The following CCDC92 variants were observed in gnomAD, a reference collection of about 807,000 sequenced individuals.
CCDC92 encodes coiled-coil domain containing 92.
A neutral mutation model predicts 24.9 loss-of-function variants in CCDC92; 12 were observed. The observed-to-expected ratio is 0.48, with a 90% CI of 0.31 to 0.78. The LOEUF (loss-of-function observed/expected upper bound fraction) is 0.78, where lower values mean the gene tolerates loss of function less well. Among genes scored for constraint, CCDC92 ranks in the 30% least tolerant of loss-of-function variants. The pLI, the probability that CCDC92 is intolerant of heterozygous loss-of-function variation, is 0.05. For synonymous variants in CCDC92, 193 were observed against 196.3 expected, an observed-to-expected ratio of 0.98 and a Z score of 0.14; for missense variants, 399 against 439.4, an observed-to-expected ratio of 0.91 and a Z score of 0.82.
In CCDC92 at chr12:123,943,486, C is replaced by A; in HGVS notation, c.42G>T (p.Leu14=). The A allele has an allele frequency of 6.2e-7, 1 of 1,614,160 alleles. No homozygotes were observed. Among genetic ancestry groups the A allele is most frequent in the Non-Finnish European group, 8.5e-7 (1 of 1,180,042 alleles). ...GGTTTGTGGCTGCCATGCTGACATC[C>A]AGAGGACCTGTGGGTAACACAGACC... ...PHFSSYDEGP[L]DVSMAATNLE... is the part of the protein sequence containing the mutation. Residue 14 remains leucine (L), a synonymous_variant, in exon 3 of 5, where the codon CTG becomes CTT. Coordinates refer to ENST00000238156, the MANE Select transcript of CCDC92 (RefSeq NM_025140.3).
intron 1 of CCDC92, chr12:123,945,986 C>G: frequency 5.7e-6 from 1 of 175,842 alleles, no homozygotes; most frequent in African/African-American, 2.4e-5. Flanking sequence ...TGGCATCCCC[C>G]GCCATCCATT....
chr12:123,970,071 G>C (rs568780609), intron 1 of CCDC92: 22 of 152,078 alleles, frequency 1.4e-4, no homozygotes, highest in Non-Finnish European at 2.1e-4. Flanking sequence ...ATAGCAGGTG[G>C]GTCTTTAATC....
intron 2 of CCDC92, 64 bp downstream of exon 2, chr12:123,944,208 A>T (rs924509962): frequency 4.1e-5 from 43 of 1,049,822 alleles, no homozygotes; most frequent in Non-Finnish European, 6.3e-5. Context: ...TCTGTCCCCA[A>T]TGCTTGGCCC....
intron 1 of CCDC92, among the ~76,000 whole-genome samples, chr12:123,965,491 A>G: frequency 6.6e-6 from 1 of 152,028 alleles, no homozygotes; most frequent in East Asian, 2.0e-4. Flanking sequence ...TGAGGGCTGC[A>G]CGCTCTTGGA....
intron 1 of CCDC92, chr12:123,956,507 TCC>T (rs1956154118): frequency 6.6e-6 from 1 of 152,212 alleles, no homozygotes; most frequent in Non-Finnish European, 1.5e-5. Context: ...ATAAAGTTCT[TCC>T]CACTCACAAT....
chr12:123,937,253 G>A lies in CCDC92; in HGVS notation c.801C>T (p.Pro267=), dbSNP rs147939560. 169 of 1,609,942 alleles carry A rather than the reference G, an allele frequency of 1.0e-4. No individual in the cohort carries two copies. The highest frequency in any genetic ancestry group is 1.1e-4 in the Non-Finnish European group (130 of 1,179,422). The part of the protein sequence containing the change: ...LIKERPLVIP[P]IASDRSGEQH... ...GCTCGCCGCTTCGGTCGGAGGCGAT[G>A]GGGGGGATGACGAGGGGCCTCTCTT... is the stretch of plus-strand genomic sequence containing the variant. The change falls in exon 5 of 5, where the codon CCC becomes CCT. Residue 267 remains proline (P), a synonymous_variant. Coordinates refer to ENST00000238156, the MANE Select transcript of CCDC92 (RefSeq NM_025140.3). This position sits in a 1 kb window ranked among gnomAD's most constrained non-coding sequence, Gnocchi z 8.4.
intron 1 of CCDC92, among the ~76,000 whole-genome samples, chr12:123,968,923 CT>C (rs1170986392): frequency 6.6e-6 from 1 of 152,148 alleles, no homozygotes; most frequent in Non-Finnish European, 1.5e-5. Flanking sequence ...CCTCTTCTTC[CT>C]AAAATGGAGA....
intron 1 of CCDC92, among the ~76,000 whole-genome samples, chr12:123,965,408 C>T (rs750544886): frequency 6.6e-6 from 1 of 152,188 alleles, no homozygotes; most frequent in African/African-American, 2.4e-5. Flanking sequence ...GTTTATCGCT[C>T]TCACTGGAGT....
chr12:123,941,133 G>A (rs1455998889), intron 4 of CCDC92, among the ~76,000 whole-genome samples: 3 of 152,200 alleles, frequency 2.0e-5, no homozygotes, highest in African/African-American at 2.4e-5. Context: ...GACAGGGAGC[G>A]AGGACGCCCT....
intron 1 of CCDC92, chr12:123,971,352 A>C (rs1055313948): frequency 2.0e-5 from 3 of 152,178 alleles, no homozygotes; most frequent in African/African-American, 2.4e-5. Context: ...GGTAAAAGCC[A>C]CTTTAAACGT....
At chr12:123,942,569 T>G (rs561878811) in intron 4 of CCDC92, among the ~76,000 whole-genome samples, 175 bp downstream of exon 4, 2 of 152,290 alleles carry the variant, frequency 1.3e-5, no homozygotes, top group East Asian at 3.9e-4. Context: ...AATAACCACT[T>G]GCAACACGGA....
chr12:123,956,354 A>AG (rs1307604484), intron 1 of CCDC92: 1 of 152,136 alleles, frequency 6.6e-6, no homozygotes, highest in African/African-American at 2.4e-5. Context: ...CGTCCATGTA[A>AG]GGGTGTTTGA....
chr12:123,943,534 G>A (rs778278460), intron 2 of CCDC92, 41 bp from the exon 3 acceptor site: 1 of 1,610,648 alleles, frequency 6.2e-7, no homozygotes, highest in Non-Finnish European at 8.5e-7. Flanking sequence ...CCTGAAGAGG[G>A]TCCCAGGGCT....
At chr12:123,953,455 T>G (rs144817820) in intron 1 of CCDC92, among the ~76,000 whole-genome samples, 6 of 152,226 alleles carry the variant, frequency 3.9e-5, no homozygotes, top group Non-Finnish European at 1.5e-5. Context: ...ATTTTTGATA[T>G]GTGTAGAAGG....
intron 3 of CCDC92, 36 bp downstream of exon 3, chr12:123,943,308 AGCC>A: frequency 6.2e-7 from 1 of 1,601,602 alleles, no homozygotes; most frequent in Non-Finnish European, 8.5e-7. Context: ...CGTGCCCCAT[AGCC>A]GCCCCCCGCC....
intron 4 of CCDC92, among the ~76,000 whole-genome samples, chr12:123,938,434 C>T (rs1485214736): frequency 6.6e-6 from 1 of 152,104 alleles, no homozygotes; most frequent in Non-Finnish European, 1.5e-5. Flanking sequence ...TTGGTCCCTC[C>T]CTGCCCCTGC....
At chr12:123,967,543 T>G (rs1405209740) in intron 1 of CCDC92, among the ~76,000 whole-genome samples, 1 of 152,200 alleles carries the variant, frequency 6.6e-6, no homozygotes, top group Non-Finnish European at 1.5e-5. Flanking sequence ...ACAAAAAGCC[T>G]CCTTCAATGT....
chr12:123,936,765 C>T lies in CCDC92; in HGVS notation c.*293G>A, dbSNP rs1051714083. 1.9e-5 allele frequency: 10 copies of T among 539,690 alleles called. No homozygotes were observed. The highest frequency in any genetic ancestry group is 3.3e-5 in the Non-Finnish European group (10 of 303,348). 33.4% of individuals were successfully genotyped at this position (539,690 alleles called of 1,614,324 possible). A position where few individuals can be genotyped will look rare whatever the true frequency, so the allele number is the denominator to read the frequency against. Reference sequence around the variant, plus strand: ...GTGGCATCGTGAACATCAGTAGTGACGCAGCCGTGGCCTGGGCTTTGCCTG... The same window carrying T: ...GTGGCATCGTGAACATCAGTAGTGATGCAGCCGTGGCCTGGGCTTTGCCTG... On this transcript the variant is annotated 3_prime_UTR_variant, in exon 5 of 5. Coordinates refer to ENST00000238156, the MANE Select transcript of CCDC92 (RefSeq NM_025140.3).
At chr12:123,959,134 G>C (rs893433884) in intron 1 of CCDC92, among the ~76,000 whole-genome samples, 3 of 152,166 alleles carry the variant, frequency 2.0e-5, no homozygotes, top group African/African-American at 7.2e-5. Flanking sequence ...CAAGTCACAC[G>C]TAACTCCCGT....
Sources: allele counts gnomAD v4.1 joint callset (sites outside exome capture counted in the v4.1 genomes callset), GRCh38; gene constraint gnomAD v4.1.1; non-coding constraint Gnocchi (gnomAD v3.1); transcripts MANE v1.5; gene names NCBI Gene and HGNC (gene_info 2026-07-23, HGNC 2026-07-21).